The following XIRP2 variants were observed in gnomAD, a reference collection of about 807,000 sequenced individuals.
The protein encoded by XIRP2 is xin actin binding repeat containing 2, also known as xin actin-binding repeat-containing protein 2.
Under a neutral mutation model 277.0 loss-of-function variants are expected in XIRP2, and 236 were observed. The ratio of observed to expected loss-of-function variants is 0.85; its 90% CI spans 0.77 to 0.95. The LOEUF (loss-of-function observed/expected upper bound fraction) is 0.95. XIRP2 is among the 40% of genes least tolerant of loss of function. The pLI is 0.00. For synonymous variants in XIRP2, 1,490 were observed against 1,416.5 expected, an observed-to-expected ratio of 1.05 and a Z score of -1.17; for missense variants, 4,640 against 4,157.5, an observed-to-expected ratio of 1.12 and a Z score of -3.19.
At chr2:166,934,279 C>T (rs139613041) in intron 2 of XIRP2, among the ~76,000 whole-genome samples, 37 of 150,810 alleles carry the variant, frequency 2.5e-4, no homozygotes, top group African/African-American at 8.1e-4. Context: ...ATATGCCACA[C>T]TGGAGAAGCC....
chr2:166,979,413 T>C (rs1245311901), intron 2 of XIRP2, among the ~76,000 whole-genome samples: 1 of 146,810 alleles, frequency 6.8e-6, no homozygotes, highest in African/African-American at 2.5e-5. Context: ...GCCTCAAGTA[T>C]AATTGTTACT....
rs76858456 is a variant in XIRP2 at position 166,926,386 on chromosome 2, G to C, written c.408+22496G>C. Among the ~76,000 whole-genome samples, 225 of 152,100 alleles carry C rather than the reference G, an allele frequency of 1.5e-3. 8 individuals carry two copies. The East Asian group carries it at 0.04, about 27-fold the overall frequency. ...TAAAATGTAGATAGCTACTGGTCTT[G>C]ATTTAAAATAGTGACCATTACAATT... On this transcript the variant is annotated intron_variant, in intron 2 of 10. Coordinates refer to ENST00000409195, the MANE Select transcript of XIRP2 (RefSeq NM_152381.6).
At chr2:166,949,008 T>C (rs1685957200) in intron 2 of XIRP2, among the ~76,000 whole-genome samples, 2 of 151,944 alleles carry the variant, frequency 1.3e-5, no homozygotes, top group Non-Finnish European at 2.9e-5. Flanking sequence ...TCAGGGTGTT[T>C]TTTTTCTCTC....
intron 2 of XIRP2, among the ~76,000 whole-genome samples, chr2:166,908,425 G>T (rs1684592015): frequency 6.6e-6 from 1 of 152,152 alleles, no homozygotes; most frequent in South Asian, 2.1e-4. Flanking sequence ...TTTGAGAAGT[G>T]CCTGTTCATA....
chr2:167,075,063 A>G (rs10497307), intron 2 of XIRP2, among the ~76,000 whole-genome samples: 20,793 of 152,204 alleles, frequency 0.14, 2,776 homozygotes, highest in African/African-American at 0.35. Context: ...GAGCTTTAGC[A>G]TCTATAGTTT....
intron 3 of XIRP2, among the ~76,000 whole-genome samples, chr2:167,146,866 A>G (rs1243281234): frequency 6.6e-6 from 1 of 152,156 alleles, no homozygotes; most frequent in Non-Finnish European, 1.5e-5. Context: ...AGAGAAATGT[A>G]GAATTAAAAG....
chr2:167,177,293 A>G (rs1476219844), intron 3 of XIRP2, among the ~76,000 whole-genome samples: 1 of 152,108 alleles, frequency 6.6e-6, no homozygotes, highest in African/African-American at 2.4e-5. Flanking sequence ...TTCTCCTATA[A>G]CCTTGGTTTT....
chr2:166,914,729 T>C lies in XIRP2; in HGVS notation c.408+10839T>C, dbSNP rs1037478218. On this transcript the variant is annotated intron_variant, in intron 2 of 10. Transcript: ENST00000409195. ...TAATACAGTTACATTATAGGTCTTTTAAACATTGTTTAAAAATGGTTGGAT... is the reference window on the plus strand; with the variant it reads ...TAATACAGTTACATTATAGGTCTTTCAAACATTGTTTAAAAATGGTTGGAT... Among the ~76,000 whole-genome samples, 5 of 152,318 alleles carry C rather than the reference T, an allele frequency of 3.3e-5. No homozygotes were observed. In the South Asian group the frequency reaches 1.0e-3, roughly 32 times the overall value.
chr2:167,015,677 T>C (rs1402546032), intron 2 of XIRP2, among the ~76,000 whole-genome samples: 3 of 151,814 alleles, frequency 2.0e-5, no homozygotes, highest in Non-Finnish European at 4.4e-5. Context: ...TATGTAAATA[T>C]ATCAACAAGA....
At chr2:167,018,424 G>A (rs1687891059) in intron 2 of XIRP2, among the ~76,000 whole-genome samples, 1 of 151,882 alleles carries the variant, frequency 6.6e-6, no homozygotes, top group Admixed American at 6.6e-5. Context: ...AAAAACAAAT[G>A]TAAAGAATAA....
Position 167,244,506 on chromosome 2 carries a change from A to C in XIRP2, c.3114A>C (p.Ile1038=). 1 of 1,613,688 alleles carries C rather than the reference A, an allele frequency of 6.2e-7. No homozygotes were observed. The highest frequency in any genetic ancestry group is 8.5e-7 in the Non-Finnish European group (1 of 1,179,796). ...QFDESIHKFQ[I]IRGISAQEIQ... ...ATGAAAGCATTCATAAATTTCAAAT[A>C]ATTAGAGGAATATCTGCTCAAGAAA... Residue 1038 remains isoleucine, a synonymous_variant, in exon 9 of 11, where the codon ATA becomes ATC. Coordinates refer to ENST00000409195, the MANE Select transcript of XIRP2 (RefSeq NM_152381.6).
chr2:167,232,158 A>C (rs185279947), intron 5 of XIRP2, among the ~76,000 whole-genome samples: 8 of 152,154 alleles, frequency 5.3e-5, no homozygotes, highest in Admixed American at 5.2e-4. Context: ...TTACTGTCAA[A>C]ATGGGAATCA....
At chr2:167,203,859 T>C (rs137885010) in intron 3 of XIRP2, among the ~76,000 whole-genome samples, 3 of 152,334 alleles carry the variant, frequency 2.0e-5, no homozygotes, top group South Asian at 2.1e-4. Context: ...GATATGTGTA[T>C]TGGTATGCTA....
chr2:166,932,932 T>C (rs1330306799), intron 2 of XIRP2, among the ~76,000 whole-genome samples: 1 of 152,196 alleles, frequency 6.6e-6, no homozygotes, highest in Non-Finnish European at 1.5e-5. Context: ...TATCGCACTA[T>C]CTTCATTATT....
intron 2 of XIRP2, among the ~76,000 whole-genome samples, chr2:167,051,117 G>A (rs375728107): frequency 1.1e-4 from 17 of 151,898 alleles, no homozygotes; most frequent in African/African-American, 3.9e-4. Flanking sequence ...TCTTCCCCTA[G>A]CACTCCTTTA....
At chr2:167,223,032 T>C (rs1694477530) in intron 5 of XIRP2, among the ~76,000 whole-genome samples, 1 of 152,182 alleles carries the variant, frequency 6.6e-6, no homozygotes, top group Non-Finnish European at 1.5e-5. Context: ...AAAGAAACAT[T>C]GTACCTATTA....
At position 167,001,263 on chromosome 2, in the gene XIRP2, C is replaced by T. The variant is rs557276102; in HGVS notation, c.408+97373C>T. On this transcript the variant is annotated intron_variant, in intron 2 of 10. Coordinates refer to ENST00000409195, the MANE Select transcript of XIRP2 (RefSeq NM_152381.6). ...GCTGTGTCTGCATCCCATCCGCCTA[C>T]GTAATAGCCTACCTCCCCCAAGAAC... 2.5e-3 allele frequency among the ~76,000 whole-genome samples: 376 copies of T among 152,154 alleles called. 1 individual carries two copies. The highest frequency in any genetic ancestry group is 0.017 in the Middle Eastern group (5 of 294).
chr2:167,217,518 C>T (rs1050597351), intron 4 of XIRP2, among the ~76,000 whole-genome samples: 3 of 152,034 alleles, frequency 2.0e-5, no homozygotes, highest in African/African-American at 7.2e-5. Context: ...TCTGTTCTAG[C>T]TGTGAGAACG....
At chr2:167,257,604 T>C (rs1467372919) in intron 10 of XIRP2, among the ~76,000 whole-genome samples, 2 of 152,020 alleles carry the variant, frequency 1.3e-5, no homozygotes, top group African/African-American at 4.8e-5. Flanking sequence ...TGTATAACCA[T>C]ATGTGCATTA....
Sources: allele counts gnomAD v4.1 joint callset (sites outside exome capture counted in the v4.1 genomes callset), GRCh38; gene constraint gnomAD v4.1.1; transcripts MANE v1.5; gene names NCBI Gene and HGNC (gene_info 2026-07-23, HGNC 2026-07-21).